Variants in MRRF observed in about 807,000 individuals in gnomAD.
The protein encoded by MRRF is mitochondrial ribosome recycling factor, also known as ribosome-recycling factor, mitochondrial.
MRRF carries 18 observed loss-of-function variants against 25.1 expected under a neutral mutation model. The observed-to-expected ratio is 0.72, with a 90% CI of 0.50 to 1.06. The LOEUF (loss-of-function observed/expected upper bound fraction) is 1.06, where lower values mean the gene tolerates loss of function less well. Among genes scored for constraint, MRRF ranks in the 50% least tolerant of loss-of-function variants. The pLI is 0.00. For synonymous variants in MRRF, 113 were observed against 112.1 expected (o/e 1.01, Z -0.05); for missense variants, 323 against 319.3 (o/e 1.01, Z -0.09).
intron 5 of MRRF, among the ~76,000 whole-genome samples, chr9:122,307,142 G>A (rs1834899882): frequency 6.6e-6 from 1 of 152,146 alleles, no homozygotes; most frequent in Admixed American, 6.5e-5. Context: ...GTCAGGACCG[G>A]CAGCCCCAAG....
At chr9:122,270,589 A>G (rs1247893016) in intron 1 of MRRF, among the ~76,000 whole-genome samples, 1 of 152,188 alleles carries the variant, frequency 6.6e-6, no homozygotes, top group African/African-American at 2.4e-5. Flanking sequence ...CTTAATGGGC[A>G]TTTTGGTGCA....
At chr9:122,271,196 C>T in intron 2 of MRRF, 121 bp downstream of exon 2, 1 of 882,048 alleles carries the variant, frequency 1.1e-6, no homozygotes, top group Non-Finnish European at 1.9e-6. Context: ...GGAAATGGTG[C>T]CTCAGCTATT....
At position 122,326,781 on chromosome 9, in the gene MRRF, T is replaced by C. The variant is rs1260570619; in HGVS notation, c.*4164T>C. On this transcript the variant is annotated 3_prime_UTR_variant, in exon 7 of 7. Transcript: ENST00000344641. ...TTCCATGCTAGACCCTTTACACGTG[T>C]TCCCACATTGAAACTTCTGATGAAT... 6.6e-6 allele frequency: 1 copy of C among 152,028 alleles called. No individual in the cohort carries two copies. Among genetic ancestry groups the C allele is most frequent in the African/African-American group, 2.4e-5 (1 of 41,430 alleles). 9.4% of individuals were successfully genotyped at this position (152,028 alleles called of 1,614,324 possible).
chr9:122,323,774 C>T lies in MRRF; in HGVS notation c.*1157C>T, dbSNP rs1836021432. On this transcript the variant is annotated 3_prime_UTR_variant, in exon 7 of 7. Coordinates refer to ENST00000344641, the MANE Select transcript of MRRF (RefSeq NM_138777.5). ...TTATCTTCATTTACAAATAGGAAAA[C>T]TAAGTCTTGACAGTATTAGGTAATT... is the stretch of plus-strand genomic sequence containing the variant. 6.6e-6 allele frequency: 1 copy of T among 152,050 alleles called. No homozygotes were observed. The highest frequency in any genetic ancestry group is 2.4e-5 in the African/African-American group (1 of 41,398). The allele number at this position is 152,050 out of a possible 1,614,324, so 9.4% of individuals were successfully genotyped here. A position where few individuals can be genotyped will look rare whatever the true frequency, so the allele number is the denominator to read the frequency against.
chr9:122,276,550 A>G (rs1230187821), intron 2 of MRRF, among the ~76,000 whole-genome samples: 1 of 152,204 alleles, frequency 6.6e-6, no homozygotes. Context: ...AGTGTTTATT[A>G]AGAAGTGTTT....
At chr9:122,312,411 C>A (rs991175552) in intron 5 of MRRF, among the ~76,000 whole-genome samples, 6 of 152,166 alleles carry the variant, frequency 3.9e-5, no homozygotes, top group African/African-American at 1.2e-4. Context: ...TATTCTTTCT[C>A]AAAATTCTTT....
Position 122,324,877 on chromosome 9 carries a change from C to A in MRRF, c.*2260C>A, listed in dbSNP as rs1489935590. The A allele has an allele frequency of 6.6e-6, 1 of 152,208 alleles. No individual in the cohort carries two copies. The highest frequency in any genetic ancestry group is 2.4e-5 in the African/African-American group (1 of 41,442). 9.4% of individuals were successfully genotyped at this position (152,208 alleles called of 1,614,324 possible). A position where few individuals can be genotyped will look rare whatever the true frequency, so the allele number is the denominator to read the frequency against. ...TGCCCCACTTACCTGTCCTCTAACCCCATCCACCAGCCCTAAGTGGTCATC... is the reference window on the plus strand; with the variant it reads ...TGCCCCACTTACCTGTCCTCTAACCACATCCACCAGCCCTAAGTGGTCATC... On this transcript the variant is annotated 3_prime_UTR_variant, in exon 7 of 7. Transcript: ENST00000344641.
At chr9:122,319,874 A>ATTTTT (rs975991164) in intron 6 of MRRF, among the ~76,000 whole-genome samples, 15 of 129,972 alleles carry the variant, frequency 1.2e-4, no homozygotes, top group African/African-American at 3.9e-4. Flanking sequence ...ATTTTCATTA[A>ATTTTT]TTTTTTTTTT....
In MRRF at chr9:122,327,451, G is replaced by A. The variant is rs1836173480; in HGVS notation, c.*4834G>A. Reference sequence around the variant, plus strand: ...GAGGCTTTCTTTTGCCCTAATAGACGGTCATTTTTCATGATGTGCATTTGA... The same window carrying A: ...GAGGCTTTCTTTTGCCCTAATAGACAGTCATTTTTCATGATGTGCATTTGA... On this transcript the variant is annotated 3_prime_UTR_variant, in exon 7 of 7. Transcript: ENST00000344641. 6.6e-6 allele frequency: 1 copy of A among 151,984 alleles called. No homozygotes were observed. Among genetic ancestry groups the A allele is most frequent in the Admixed American group, 6.5e-5 (1 of 15,270 alleles). The allele number at this position is 151,984 out of a possible 1,614,324, so 9.4% of individuals were successfully genotyped here.
Position 122,285,179 on chromosome 9 carries a change from C to T in MRRF, c.351C>T (p.Asp117=). 6.2e-7 allele frequency: 1 copy of T among 1,610,320 alleles called. No homozygotes were observed. The highest frequency in any genetic ancestry group is 8.5e-7 in the Non-Finnish European group (1 of 1,176,514). ...LNIRTSPGSL[D]KIAVVTADGK... is the part of the protein sequence containing the mutation. The stretch of plus-strand genomic sequence containing the variant: ...TAATTTTTCTTTTAGGATCCCTTGA[C>T]AAGATTGCTGTGGTAACTGCTGACG... The change falls in exon 4 of 7, where the codon GAC becomes GAT. Residue 117 remains aspartate (D), a synonymous_variant. Transcript: ENST00000344641.
chr9:122,317,037 T>C (rs1835573069), intron 6 of MRRF, among the ~76,000 whole-genome samples: 1 of 151,076 alleles, frequency 6.6e-6, no homozygotes, highest in Non-Finnish European at 1.5e-5. Flanking sequence ...TTTTAGTTTG[T>C]TGAAACTTCT....
Position 122,331,052 on chromosome 9 carries a change from C to T in MRRF, c.*8435C>T, listed in dbSNP as rs1836270580. ...AGGGACTTGTGAGGTGCTAAGTAGC[C>T]AGTGAGAGCTTCTGGGTCCTGTCGC... is the stretch of plus-strand genomic sequence containing the variant. On this transcript the variant is annotated 3_prime_UTR_variant, in exon 7 of 7. Transcript: ENST00000344641. The T allele has an allele frequency of 6.6e-6, 1 of 152,018 alleles. No homozygotes were observed. Among genetic ancestry groups the T allele is most frequent in the South Asian group, 2.1e-4 (1 of 4,804 alleles). The allele number at this position is 152,018 out of a possible 1,614,324, so 9.4% of individuals were successfully genotyped here.
intron 6 of MRRF, among the ~76,000 whole-genome samples, chr9:122,315,352 G>T: frequency 6.6e-6 from 1 of 152,272 alleles, no homozygotes; most frequent in East Asian, 1.9e-4. Context: ...AGAAGATAAT[G>T]ACCTAGAAGC....
intron 1 of MRRF, among the ~76,000 whole-genome samples, chr9:122,266,882 G>C (rs552417879): frequency 6.6e-6 from 1 of 151,642 alleles, no homozygotes; most frequent in Non-Finnish European, 1.5e-5. Context: ...GACCATCCTG[G>C]CTAACACGGT....
chr9:122,268,211 G>A (rs1430465706), intron 1 of MRRF, among the ~76,000 whole-genome samples: 1 of 152,232 alleles, frequency 6.6e-6, no homozygotes, highest in Non-Finnish European at 1.5e-5. Flanking sequence ...TTTCAGCGAT[G>A]TGGTTTATTT....
At chr9:122,272,537 T>C (rs1832525806) in intron 2 of MRRF, among the ~76,000 whole-genome samples, 1 of 151,818 alleles carries the variant, frequency 6.6e-6, no homozygotes, top group Admixed American at 6.6e-5. Flanking sequence ...TGGTGGCCTG[T>C]ACCTGTAATC....
At chr9:122,307,061 G>A (rs1834893807) in intron 5 of MRRF, among the ~76,000 whole-genome samples, 1 of 152,166 alleles carries the variant, frequency 6.6e-6, no homozygotes, top group Non-Finnish European at 1.5e-5. Context: ...ACAGGCTAGT[G>A]GGATGAGGCG....
At chr9:122,302,190 T>C (rs1327774846) in intron 5 of MRRF, among the ~76,000 whole-genome samples, 2 of 152,220 alleles carry the variant, frequency 1.3e-5, no homozygotes, top group African/African-American at 4.8e-5. Context: ...GTCACCTTCA[T>C]TGAAATATAA....
At chr9:122,305,323 A>G (rs558963510) in intron 5 of MRRF, among the ~76,000 whole-genome samples, 110 of 151,638 alleles carry the variant, frequency 7.3e-4, no homozygotes, top group African/African-American at 2.6e-3. Flanking sequence ...AGGCAGGAGA[A>G]TCACTTGAAC....
Sources: gnomAD v4.1 joint callset for allele counts (sites outside exome capture counted in the v4.1 genomes callset) on GRCh38, gnomAD v4.1.1 for gene constraint, MANE v1.5 for transcripts, NCBI Gene and HGNC (gene_info 2026-07-23, HGNC 2026-07-21) for gene names.